The following ALPL variants were observed in gnomAD, a reference collection of about 807,000 sequenced individuals.
ALPL encodes alkaline phosphatase, tissue-nonspecific isozyme.
ALPL carries 42 observed loss-of-function variants against 51.3 expected under a neutral mutation model. That is an observed-to-expected ratio of 0.82 (90% CI 0.64 to 1.06). The LOEUF (loss-of-function observed/expected upper bound fraction) is 1.06, where lower values mean the gene tolerates loss of function less well. ALPL is among the 50% of genes least tolerant of loss of function. The pLI is 0.00. For synonymous variants in ALPL, 279 were observed against 296.4 expected (o/e 0.94, Z 0.60); for missense variants, 589 against 709.4 (o/e 0.83, Z 1.93).
chr1:21,575,920 C>A lies in ALPL; in HGVS notation c.1185C>A (p.Ile395=). ...GATACACCCCCCGTGGCAACTCTAT[C>A]TTTGGTAGGTGGGCCTTCTTTGGGG... The part of the protein sequence containing the change: ...FGGYTPRGNS[I]FGLAPMLSDT... The change falls in exon 10 of 12, where the codon ATC becomes ATA. Residue 395 remains isoleucine (I), a synonymous_variant. Transcript: ENST00000374840. 1 of 1,614,202 alleles carries A rather than the reference C, an allele frequency of 6.2e-7. No homozygotes were observed. Among genetic ancestry groups the A allele is most frequent in the Non-Finnish European group, 8.5e-7 (1 of 1,180,042 alleles).
chr1:21,528,030 T>C (rs551853769), intron 1 of ALPL, among the ~76,000 whole-genome samples: 1 of 152,164 alleles, frequency 6.6e-6, no homozygotes, highest in East Asian at 1.9e-4. Context: ...TTTTGTTTTT[T>C]TGTTTTTTTT....
At chr1:21,529,219 G>A (rs1197826053) in intron 1 of ALPL, among the ~76,000 whole-genome samples, 1 of 151,828 alleles carries the variant, frequency 6.6e-6, no homozygotes, top group Non-Finnish European at 1.5e-5. Context: ...CAGTAAGATT[G>A]GGGTTAATGT....
chr1:21,523,532 G>A (rs935987480), intron 1 of ALPL, among the ~76,000 whole-genome samples: 18 of 152,266 alleles, frequency 1.2e-4, no homozygotes, highest in Middle Eastern at 3.4e-3. Context: ...TATATGATCC[G>A]TGGGGCGGAG....
chr1:21,523,408 G>A (rs1643903629), intron 1 of ALPL, among the ~76,000 whole-genome samples: 1 of 152,244 alleles, frequency 6.6e-6, no homozygotes, highest in Admixed American at 6.5e-5. Context: ...GTGGCATCTT[G>A]CTGTCCTGCC....
intron 1 of ALPL, among the ~76,000 whole-genome samples, chr1:21,514,395 G>T (rs1643753070): frequency 6.6e-6 from 1 of 152,204 alleles, no homozygotes; most frequent in Non-Finnish European, 1.5e-5. Context: ...CTCCCTAACA[G>T]CCCTGTGCAT....
rs1007747368 is a variant in ALPL, at chr1:21,511,091, G to A, written c.-105+1574G>A. ...TCATTCAGCAAATACTTAAGCATCC[G>A]CCGTGTGCCAAGCTCTGTTCTAGGT... On this transcript the variant is annotated intron_variant, in intron 1 of 11. Coordinates refer to ENST00000374840, the MANE Select transcript of ALPL (RefSeq NM_000478.6). 2.0e-5 allele frequency among the ~76,000 whole-genome samples: 3 copies of A among 152,278 alleles called. No homozygotes were observed. In the South Asian group the frequency reaches 6.2e-4, roughly 32 times the overall value.
At chr1:21,545,377 G>A (rs1282253041) in intron 1 of ALPL, among the ~76,000 whole-genome samples, 1 of 151,846 alleles carries the variant, frequency 6.6e-6, no homozygotes, top group Admixed American at 6.6e-5. Flanking sequence ...TACAACCTCC[G>A]CCACCCGGGT....
In ALPL at chr1:21,553,961, CTTTTT is replaced by C. The variant is rs1448636469; in HGVS notation, c.-104-14_-104-10del. The stretch of plus-strand genomic sequence containing the variant: ...CTGTGCCCCACATGCCTCTTTTTCT[CTTTTT>C]TTAATTTCTAGGATTGGAACATCAG... On this transcript the variant is annotated splice_polypyrimidine_tract_variant and intron_variant, in intron 1 of 11. Transcript: ENST00000374840. 2.3e-6 allele frequency: 2 copies of C among 877,572 alleles called. No homozygotes were observed. The highest frequency in any genetic ancestry group is 4.9e-5 in the East Asian group (2 of 41,024). 54.4% of individuals were successfully genotyped at this position (877,572 alleles called of 1,614,324 possible).
intron 1 of ALPL, among the ~76,000 whole-genome samples, chr1:21,515,616 T>C (rs552300676): frequency 6.6e-6 from 1 of 152,336 alleles, no homozygotes; most frequent in East Asian, 1.9e-4. Flanking sequence ...CTTGAACTCC[T>C]GACCTCAGGT....
intron 1 of ALPL, among the ~76,000 whole-genome samples, chr1:21,521,204 G>C (rs1236691560): frequency 6.9e-6 from 1 of 145,790 alleles, no homozygotes; most frequent in Non-Finnish European, 1.5e-5. Context: ...TTTTTTTTTT[G>C]AGACGGAGTC....
At chr1:21,558,963 G>A (rs1218426678) in intron 2 of ALPL, among the ~76,000 whole-genome samples, 1 of 152,204 alleles carries the variant, frequency 6.6e-6, no homozygotes, top group Non-Finnish European at 1.5e-5. Flanking sequence ...ACCTGCCAAG[G>A]CAGTTGAGAG....
intron 1 of ALPL, among the ~76,000 whole-genome samples, chr1:21,521,760 A>AGTGTCATACCTCTGGCCAAT (rs1643885581): frequency 6.6e-6 from 1 of 152,210 alleles, no homozygotes; most frequent in African/African-American, 2.4e-5. Context: ...TGAGGTGCCC[A>AGTGTCATACCTCTGGCCAAT]GTGTCATACC....
intron 1 of ALPL, among the ~76,000 whole-genome samples, chr1:21,536,320 C>T (rs1644104937): frequency 6.6e-6 from 1 of 152,210 alleles, no homozygotes; most frequent in African/African-American, 2.4e-5. Context: ...CTGGCAGAAA[C>T]AGCTGGCAGA....
Position 21,570,332 on chromosome 1 carries a change from G to A in ALPL, c.820G>A (p.Glu274Lys). The part of the protein sequence containing the change: ...KHSHFIWNRT[E>K]LLTLDPHNVD... ...CTCCCACTTCATCTGGAACCGCACGGAACTCCTGACCCTTGACCCCCACAA... is the reference window on the plus strand; with the variant it reads ...CTCCCACTTCATCTGGAACCGCACGAAACTCCTGACCCTTGACCCCCACAA... The change falls in exon 8 of 12, where the codon GAA (glutamate) becomes AAA (lysine). Residue 274 changes from glutamate to lysine, a missense_variant. Glu to Lys is a moderately conservative substitution (Grantham distance 56). Transcript: ENST00000374840. The A allele has an allele frequency of 6.2e-7, 1 of 1,614,102 alleles. No homozygotes were observed. Among genetic ancestry groups the A allele is most frequent in the Non-Finnish European group, 8.5e-7 (1 of 1,180,010 alleles).
chr1:21,536,408 C>T (rs890095374), intron 1 of ALPL, among the ~76,000 whole-genome samples: 3 of 152,178 alleles, frequency 2.0e-5, no homozygotes, highest in African/African-American at 7.2e-5. Flanking sequence ...TGAGGTCAGA[C>T]TCTGTGTTCC....
intron 1 of ALPL, among the ~76,000 whole-genome samples, chr1:21,513,641 G>A (rs144049517): frequency 6.6e-6 from 1 of 152,330 alleles, no homozygotes; most frequent in African/African-American, 2.4e-5. Flanking sequence ...TGTGTGCTGG[G>A]TTATGGGAGA....
chr1:21,531,078 C>T (rs896933787), intron 1 of ALPL, among the ~76,000 whole-genome samples: 1 of 151,400 alleles, frequency 6.6e-6, no homozygotes, highest in Non-Finnish European at 1.5e-5. Context: ...CTCAGCCTCC[C>T]GAGTAGCTGG....
intron 9 of ALPL, chr1:21,574,319 G>C (rs1490079180): frequency 3.7e-6 from 2 of 533,958 alleles, no homozygotes; most frequent in Non-Finnish European, 4.8e-6. Flanking sequence ...AGAGTGATTC[G>C]CCTCCATTGT....
Position 21,551,896 on chromosome 1 carries a change from T to C in ALPL, c.-104-2082T>C, listed in dbSNP as rs1315479807. ...GCCCGCTACCTCTCCCGGCTAATTT[T>C]TTGTATTTTTAGTAGAGACGGGGTT... On this transcript the variant is annotated intron_variant, in intron 1 of 11. Coordinates refer to ENST00000374840, the MANE Select transcript of ALPL (RefSeq NM_000478.6). 5.3e-5 allele frequency among the ~76,000 whole-genome samples: 8 copies of C among 151,592 alleles called. No individual in the cohort carries two copies. The East Asian group carries it at 1.6e-3, about 30-fold the overall frequency.
Sources: allele counts gnomAD v4.1 joint callset (sites outside exome capture counted in the v4.1 genomes callset), GRCh38; gene constraint gnomAD v4.1.1; transcripts MANE v1.5; gene names NCBI Gene and HGNC (gene_info 2026-07-23, HGNC 2026-07-21).